Variants in IL6R observed in about 807,000 individuals in gnomAD.
IL6R encodes interleukin 6 receptor.
In IL6R, 38 loss-of-function variants were observed where a neutral mutation model predicts 48.3. The observed-to-expected ratio is 0.79, with a 90% confidence interval of 0.61 to 1.03. The LOEUF (loss-of-function observed/expected upper bound fraction) is 1.03, where lower values mean the gene tolerates loss of function less well. Among genes scored for constraint, IL6R ranks in the 50% least tolerant of loss-of-function variants. IL6R has a pLI of 0.00. For missense variants in IL6R, 534 were observed against 618.3 expected (o/e 0.86, Z 1.45); for synonymous variants, 264 against 256.2 (o/e 1.03, Z -0.29).
Position 154,465,995 on chromosome 1 carries a change from C to T in IL6R, c.*615C>T, listed in dbSNP as rs1476135932. ...GCTGAGGGTGAGTGGGTGAATAATA[C>T]AGTATCTCAGGGCCTGGTCGTTTTC... On this transcript the variant is annotated 3_prime_UTR_variant, in exon 10 of 10. Coordinates refer to ENST00000368485, the MANE Select transcript of IL6R (RefSeq NM_000565.4). 2.6e-5 allele frequency: 4 copies of T among 154,346 alleles called. No individual in the cohort carries two copies. Among genetic ancestry groups the T allele is most frequent in the African/African-American group, 9.7e-5 (4 of 41,450 alleles). The allele number at this position is 154,346 out of a possible 1,614,324, so 9.6% of individuals were successfully genotyped here.
Position 154,466,261 on chromosome 1 carries a change from C to T in IL6R, c.*881C>T, listed in dbSNP as rs1281620518. 1 of 152,242 alleles carries T rather than the reference C, an allele frequency of 6.6e-6. No individual in the cohort carries two copies. The highest frequency in any genetic ancestry group is 1.5e-5 in the Non-Finnish European group (1 of 68,074). The allele number at this position is 152,242 out of a possible 1,614,324, so 9.4% of individuals were successfully genotyped here. On this transcript the variant is annotated 3_prime_UTR_variant, in exon 10 of 10. Coordinates refer to ENST00000368485, the MANE Select transcript of IL6R (RefSeq NM_000565.4). ...CTTCTCCACCTCCCACAAAGGAGAGCTAGCAGCAGGGAGGGCTTCTGCCAT... is the reference window on the plus strand; with the variant it reads ...CTTCTCCACCTCCCACAAAGGAGAGTTAGCAGCAGGGAGGGCTTCTGCCAT...
chr1:154,464,118 C>CT (rs1326930758), intron 9 of IL6R, among the ~76,000 whole-genome samples: 1 of 152,016 alleles, frequency 6.6e-6, no homozygotes, highest in East Asian at 1.9e-4. Context: ...TCTTTCCCTA[C>CT]TAAAAGAATG....
rs1689159825 is a variant in IL6R, at chr1:154,429,270, G to T, written c.160G>T (p.Asp54Tyr). ...GACCTGCCCGGGGGTAGAGCCGGAA[G>T]ACAATGCCACTGTTCACTGGGTGCT... The part of the protein sequence containing the change: ...TLTCPGVEPE[D>Y]NATVHWVLRK... The change falls in exon 2 of 10, where the codon GAC becomes TAC. Residue 54 changes from aspartate (D) to tyrosine (Y), a missense_variant. Asp to Tyr is a radical substitution (Grantham distance 160, BLOSUM62 -3). Transcript: ENST00000368485. 1 of 1,614,040 alleles carries T rather than the reference G, an allele frequency of 6.2e-7. No homozygotes were observed. The highest frequency in any genetic ancestry group is 8.5e-7 in the Non-Finnish European group (1 of 1,180,046).
chr1:154,445,441 T>C, intron 6 of IL6R, among the ~76,000 whole-genome samples: 1 of 152,056 alleles, frequency 6.6e-6, no homozygotes, highest in East Asian at 1.9e-4. Context: ...GAGTATAGTA[T>C]GGGGAGCCTT....
chr1:154,446,064 A>G (rs2149258202), intron 6 of IL6R, among the ~76,000 whole-genome samples: 1 of 151,682 alleles, frequency 6.6e-6, no homozygotes, highest in East Asian at 1.9e-4. Flanking sequence ...GCCTGCCCCC[A>G]TCTTCTTTGT....
chr1:154,454,449 C>T (rs1220643782), intron 8 of IL6R, 39 bp from the exon 9 acceptor site: 1 of 1,304,170 alleles, frequency 7.7e-7, no homozygotes, highest in Non-Finnish European at 1.1e-6. Flanking sequence ...TCCATATTCT[C>T]CTCTTCCTCC....
In IL6R at chr1:154,466,448, A is replaced by G. The variant is rs1691557415; in HGVS notation, c.*1068A>G. 1 of 152,248 alleles carries G rather than the reference A, an allele frequency of 6.6e-6. No homozygotes were observed. Among genetic ancestry groups the G allele is most frequent in the Non-Finnish European group, 1.5e-5 (1 of 68,048 alleles). The allele number at this position is 152,248 out of a possible 1,614,324, so 9.4% of individuals were successfully genotyped here. A position where few individuals can be genotyped will look rare whatever the true frequency, so the allele number is the denominator to read the frequency against. The stretch of plus-strand genomic sequence containing the variant: ...AAAAACTGCTGACTGTTTTCTCTTG[A>G]GAGGGTGGAATATCCAATATTCGCT... On this transcript the variant is annotated 3_prime_UTR_variant, in exon 10 of 10. Transcript: ENST00000368485.
chr1:154,437,260 C>G (rs1378471694), intron 6 of IL6R, among the ~76,000 whole-genome samples: 1 of 152,104 alleles, frequency 6.6e-6, no homozygotes, highest in Non-Finnish European at 1.5e-5. Flanking sequence ...CCACGCCCAG[C>G]TAATTTTTTC....
chr1:154,432,357 CTTT>C (rs1171656160), intron 3 of IL6R, among the ~76,000 whole-genome samples: 4 of 139,334 alleles, frequency 2.9e-5, no homozygotes, highest in African/African-American at 5.3e-5. Flanking sequence ...AACTGAAATA[CTTT>C]TTTTTTTTTT....
Position 154,449,893 on chromosome 1 carries a change from G to A in IL6R, c.997-18G>A. 1.3e-6 allele frequency: 2 copies of A among 1,553,132 alleles called. No homozygotes were observed. The highest frequency in any genetic ancestry group is 1.8e-6 in the Non-Finnish European group (2 of 1,124,444). On this transcript the variant is annotated intron_variant, in intron 7 of 9. Coordinates refer to ENST00000368485, the MANE Select transcript of IL6R (RefSeq NM_000565.4). Reference sequence around the variant, plus strand: ...CAATCTGCAGAAACAGGCTGATGGTGAGGAATGTCTCTTTTAGGCACTTAC... The same window carrying A: ...CAATCTGCAGAAACAGGCTGATGGTAAGGAATGTCTCTTTTAGGCACTTAC...
Position 154,419,295 on chromosome 1 carries a change from C to T in IL6R, c.86-9901C>T, listed in dbSNP as rs138101055. The stretch of plus-strand genomic sequence containing the variant: ...ATGATTGTTATGGTTATTATCACAT[C>T]AAAGCCAGGAGCCAGTCTCAGTCCA... On this transcript the variant is annotated intron_variant, in intron 1 of 9. Transcript: ENST00000368485. 1.2e-4 allele frequency among the ~76,000 whole-genome samples: 19 copies of T among 152,280 alleles called. No homozygotes were observed. In the East Asian group the frequency reaches 3.3e-3, roughly 26 times the overall value.
intron 1 of IL6R, among the ~76,000 whole-genome samples, chr1:154,408,274 C>T (rs1404170592): frequency 1.3e-5 from 2 of 152,184 alleles, no homozygotes; most frequent in South Asian, 2.1e-4. Flanking sequence ...AAGGCCCTCC[C>T]GCTTCGGGCT....
rs1011370332 is a variant in IL6R at position 154,468,166 on chromosome 1, C to A, written c.*2786C>A. The A allele has an allele frequency of 4.6e-5, 7 of 152,158 alleles. No individual in the cohort carries two copies. Among genetic ancestry groups the A allele is most frequent in the African/African-American group, 1.7e-4 (7 of 41,432 alleles). 9.4% of individuals were successfully genotyped at this position (152,158 alleles called of 1,614,324 possible). A position where few individuals can be genotyped will look rare whatever the true frequency, so the allele number is the denominator to read the frequency against. ...AAAATGTCTTCTCTGGGCTGTAGGC[C>A]TGGCTCAGCGTACACAGGTATACAT... On this transcript the variant is annotated 3_prime_UTR_variant, in exon 10 of 10. Coordinates refer to ENST00000368485, the MANE Select transcript of IL6R (RefSeq NM_000565.4).
chr1:154,415,169 C>T (rs1365288981), intron 1 of IL6R: 12 of 741,432 alleles, frequency 1.6e-5, no homozygotes, highest in South Asian at 5.9e-5. Flanking sequence ...GGCCCTAGGT[C>T]GCCAGGGGCC....
intron 1 of IL6R, among the ~76,000 whole-genome samples, chr1:154,420,925 T>TGACCA (rs1181749939): frequency 6.6e-6 from 1 of 152,184 alleles, no homozygotes; most frequent in Non-Finnish European, 1.5e-5. Context: ...GTGATTAAAC[T>TGACCA]GACCAGACCA....
chr1:154,406,972 G>A (rs950041252), intron 1 of IL6R, among the ~76,000 whole-genome samples: 7 of 152,158 alleles, frequency 4.6e-5, no homozygotes, highest in Non-Finnish European at 7.4e-5. Flanking sequence ...TTGGGATGGC[G>A]GGATGGCAGG....
At chr1:154,465,093 C>A in intron 9 of IL6R, 41 bp from the exon 10 acceptor site, 1 of 1,611,804 alleles carries the variant, frequency 6.2e-7, no homozygotes, top group Non-Finnish European at 8.5e-7. Flanking sequence ...ACAGGGGGAG[C>A]TAAAAATCTG....
chr1:154,415,111 A>G, intron 1 of IL6R: 2 of 1,149,818 alleles, frequency 1.7e-6, no homozygotes, highest in Admixed American at 4.0e-5. Flanking sequence ...TTACGGTTCC[A>G]CTCGCCCTTG....
chr1:154,421,077 C>T (rs1688633646), intron 1 of IL6R, among the ~76,000 whole-genome samples: 1 of 152,196 alleles, frequency 6.6e-6, no homozygotes, highest in African/African-American at 2.4e-5. Flanking sequence ...TTAGCCTGGG[C>T]TGAAGCTGCT....
Sources: allele counts gnomAD v4.1 joint callset (sites outside exome capture counted in the v4.1 genomes callset), GRCh38; gene constraint gnomAD v4.1.1; transcripts MANE v1.5; gene names NCBI Gene and HGNC (gene_info 2026-07-23, HGNC 2026-07-21).